Variants in DENND1A observed in about 807,000 individuals in gnomAD.
DENND1A encodes DENN domain-containing protein 1A.
In DENND1A, 51 loss-of-function variants were observed where a neutral mutation model predicts 113.7. That is an observed-to-expected ratio of 0.45 (90% CI 0.36 to 0.57). The LOEUF (loss-of-function observed/expected upper bound fraction) is 0.57, where lower values mean the gene tolerates loss of function less well. DENND1A is among the 20% of genes least tolerant of loss of function. DENND1A has a pLI of 0.00. For missense variants in DENND1A, 1,258 were observed against 1,395.9 expected (o/e 0.90, Z 1.57); for synonymous variants, 565 against 570.8 (o/e 0.99, Z 0.14).
At chr9:123,554,201 T>C (rs2057294253) in intron 13 of DENND1A, among the ~76,000 whole-genome samples, 1 of 152,188 alleles carries the variant, frequency 6.6e-6, no homozygotes, top group Admixed American at 6.5e-5. Context: ...ATATGTACTT[T>C]GCAGTCATTA....
chr9:123,412,950 A>G (rs922531135), intron 19 of DENND1A, among the ~76,000 whole-genome samples: 1 of 152,214 alleles, frequency 6.6e-6, no homozygotes, highest in Non-Finnish European at 1.5e-5. Flanking sequence ...TTGGGAGGCC[A>G]AGGTGGGCGG....
chr9:123,570,632 T>C (rs1589178745), intron 12 of DENND1A, among the ~76,000 whole-genome samples: 1 of 152,236 alleles, frequency 6.6e-6, no homozygotes, highest in Admixed American at 6.5e-5. Context: ...ATACTCATTA[T>C]ACCCAATATA....
chr9:123,512,238 A>T (rs1485713674), intron 13 of DENND1A, among the ~76,000 whole-genome samples: 1 of 152,202 alleles, frequency 6.6e-6, no homozygotes, highest in African/African-American at 2.4e-5. Context: ...CCCTCTCCTC[A>T]TAATAGGAGA....
chr9:123,605,128 A>G (rs548060542), intron 11 of DENND1A, among the ~76,000 whole-genome samples: 21 of 152,286 alleles, frequency 1.4e-4, no homozygotes, highest in Middle Eastern at 6.8e-3. Flanking sequence ...GCCCCTGTGT[A>G]TGGGTGGAAC....
chr9:123,683,019 G>A (rs1213029430), intron 5 of DENND1A, among the ~76,000 whole-genome samples: 1 of 141,614 alleles, frequency 7.1e-6, no homozygotes, highest in African/African-American at 2.9e-5. Context: ...CCAGTTTCCA[G>A]ACAATACGTC....
intron 19 of DENND1A, among the ~76,000 whole-genome samples, chr9:123,432,164 T>TCAACTCAATCGTTATGAATGTC: frequency 6.6e-6 from 1 of 152,356 alleles, no homozygotes; most frequent in East Asian, 1.9e-4. Context: ...TCCCGAATGT[T>TCAACTCAATCGTTATGAATGTC]CAACTCAATC....
intron 11 of DENND1A, among the ~76,000 whole-genome samples, chr9:123,607,506 CACACACACACACACAGAGAG>C (rs1292430854): frequency 1.2e-5 from 1 of 86,854 alleles, no homozygotes; most frequent in African/African-American, 5.0e-5. Flanking sequence ...CACACACACA[CACACACACACACACAGAGAG>C]AGAGAGAGAG....
At chr9:123,391,000 G>A (rs558424357) in intron 21 of DENND1A, among the ~76,000 whole-genome samples, 1 of 152,370 alleles carries the variant, frequency 6.6e-6, no homozygotes, top group Non-Finnish European at 1.5e-5. Context: ...GAACCTCTGC[G>A]CTGGGCTGTG....
chr9:123,580,139 T>C (rs78158737), intron 12 of DENND1A, among the ~76,000 whole-genome samples: 3,314 of 152,334 alleles, frequency 0.022, 50 homozygotes, highest in Non-Finnish European at 0.033. Flanking sequence ...ATCATTACCA[T>C]AGCTGTTTGC....
At chr9:123,527,909 T>A (rs1318996579) in intron 13 of DENND1A, among the ~76,000 whole-genome samples, 3 of 152,246 alleles carry the variant, frequency 2.0e-5, no homozygotes, top group African/African-American at 2.4e-5. Flanking sequence ...GTTTAATGTC[T>A]CAGAATCTGT....
At chr9:123,716,303 A>G (rs375409016) in intron 5 of DENND1A, among the ~76,000 whole-genome samples, 116 of 152,336 alleles carry the variant, frequency 7.6e-4, no homozygotes, top group African/African-American at 2.7e-3. Context: ...ACTTACCTTC[A>G]AAGAGGAAAG....
chr9:123,587,662 G>C (rs894076332), intron 11 of DENND1A, among the ~76,000 whole-genome samples: 11 of 152,166 alleles, frequency 7.2e-5, no homozygotes, highest in African/African-American at 2.7e-4. Context: ...CTGACTGCAC[G>C]TCCATTCATA....
Position 123,928,602 on chromosome 9 carries a change from A to C in DENND1A, c.17+1287T>G, listed in dbSNP as rs1857502285. The C allele has an allele frequency of 6.1e-6, 6 of 985,458 alleles. No homozygotes were observed. The South Asian group carries it at 1.9e-4, about 31-fold the overall frequency. The allele number at this position is 985,458 out of a possible 1,614,324, so 61.0% of individuals were successfully genotyped here. A position where few individuals can be genotyped will look rare whatever the true frequency, so the allele number is the denominator to read the frequency against. On this transcript the variant is annotated intron_variant, in intron 1 of 23. Coordinates refer to ENST00000394215, the MANE Select transcript of DENND1A (RefSeq NM_001352964.2). ...CTCTTCCATTTTCATTACCATAAGC[A>C]AACTTTTCTAGTTTCATTCAGCAGA... is the stretch of plus-strand genomic sequence containing the variant.
At chr9:123,918,767 A>AAG (rs767305074) in intron 1 of DENND1A, among the ~76,000 whole-genome samples, 1 of 150,312 alleles carries the variant, frequency 6.7e-6, no homozygotes, top group Non-Finnish European at 1.5e-5. Flanking sequence ...AGCTAGTATG[A>AAG]AGAAGAAGTG....
intron 16 of DENND1A, among the ~76,000 whole-genome samples, chr9:123,453,834 T>C (rs1420217415): frequency 1.3e-5 from 2 of 152,342 alleles, no homozygotes; most frequent in South Asian, 2.1e-4. Flanking sequence ...ATTTATTCCA[T>C]ACTGCTTTCC....
chr9:123,397,664 G>A (rs137880915), intron 21 of DENND1A, among the ~76,000 whole-genome samples: 1 of 152,338 alleles, frequency 6.6e-6, no homozygotes, highest in East Asian at 1.9e-4. Flanking sequence ...TAAAAGACAT[G>A]CAGGATAAAG....
intron 21 of DENND1A, among the ~76,000 whole-genome samples, chr9:123,396,161 C>G (rs1424604732): frequency 6.6e-6 from 1 of 152,148 alleles, no homozygotes; most frequent in African/African-American, 2.4e-5. Flanking sequence ...GCCACGCGCT[C>G]TGCTCACTCA....
At chr9:123,805,623 G>A (rs547028520) in intron 2 of DENND1A, among the ~76,000 whole-genome samples, 5 of 151,910 alleles carry the variant, frequency 3.3e-5, no homozygotes, top group South Asian at 4.2e-4. Context: ...TATTAGAGTC[G>A]GGGTTTCATC....
At chr9:123,540,824 T>C (rs1564680641) in intron 13 of DENND1A, among the ~76,000 whole-genome samples, 1 of 152,150 alleles carries the variant, frequency 6.6e-6, no homozygotes, top group Non-Finnish European at 1.5e-5. Context: ...AGAAGCAAGA[T>C]GCTAGAGGAG....
Sources: allele counts gnomAD v4.1 joint callset (sites outside exome capture counted in the v4.1 genomes callset), GRCh38; gene constraint gnomAD v4.1.1; transcripts MANE v1.5; gene names NCBI Gene and HGNC (gene_info 2026-07-23, HGNC 2026-07-21).